Variants in RBFOX3 observed in about 807,000 individuals in gnomAD.
The protein encoded by RBFOX3 is RNA binding fox-1 homolog 3.
RBFOX3 carries 17 observed loss-of-function variants against 48.7 expected under a neutral mutation model. The ratio of observed to expected loss-of-function variants is 0.35; its 90% CI spans 0.24 to 0.52. The LOEUF (loss-of-function observed/expected upper bound fraction) is 0.52, where lower values mean the gene tolerates loss of function less well. RBFOX3 is among the 20% of genes least tolerant of loss of function. RBFOX3 has a pLI of 0.94. For synonymous variants in RBFOX3, 212 were observed against 209.5 expected (o/e 1.01, Z -0.10); for missense variants, 382 against 497.5 (o/e 0.77, Z 2.21).
chr17:79,359,194 G>A (rs957412028), intron 2 of RBFOX3, among the ~76,000 whole-genome samples: 12 of 152,248 alleles, frequency 7.9e-5, no homozygotes, highest in African/African-American at 1.2e-4. Context: ...ACAGGCTCAG[G>A]GCAAGAGCTG....
chr17:79,385,214 A>C (rs1162209874), intron 2 of RBFOX3, among the ~76,000 whole-genome samples: 1 of 152,132 alleles, frequency 6.6e-6, no homozygotes, highest in African/African-American at 2.4e-5. Context: ...CTGGGAAGAG[A>C]GCTCTCCAGG....
chr17:79,256,105 C>G (rs1475196181), intron 3 of RBFOX3, among the ~76,000 whole-genome samples: 1 of 151,786 alleles, frequency 6.6e-6, no homozygotes, highest in Non-Finnish European at 1.5e-5. Flanking sequence ...GGTAGGGAAG[C>G]CCCAGCCCAT....
rs188821512 is a variant in RBFOX3 at position 79,419,614 on chromosome 17, A to G, written c.-175+62840T>C. Among the ~76,000 whole-genome samples, 237 of 152,178 alleles carry G rather than the reference A, an allele frequency of 1.6e-3. 1 individual carries two copies. The highest frequency in any genetic ancestry group is 0.01 in the Middle Eastern group (3 of 294). ...CTTGGAGAAGCCCCTTCATCTCCAGACCTCAGCACGTTCACCTCTAAACGG... is the reference window on the plus strand; with the variant it reads ...CTTGGAGAAGCCCCTTCATCTCCAGGCCTCAGCACGTTCACCTCTAAACGG... On this transcript the variant is annotated intron_variant, in intron 2 of 14. Transcript: ENST00000693108.
Position 79,115,689 on chromosome 17 carries a change from CT to C in RBFOX3, c.26del (p.Gln9ArgfsTer37). 1 of 189,330 alleles carries C rather than the reference CT, an allele frequency of 5.3e-6. No individual in the cohort carries two copies. The highest frequency in any genetic ancestry group is 8.9e-6 in the Non-Finnish European group (1 of 111,864). 11.7% of individuals were successfully genotyped at this position (189,330 alleles called of 1,614,324 possible). The part of the protein sequence containing the change: MAQPYPPA[Q>X]YPPPPQNGIP... ...TGCCGTTCTGTGGCGGAGGGGGGTA[CT>C]GGGCGGGGGGGTAGGGCTGGGCCAT... is the stretch of plus-strand genomic sequence containing the variant. On this transcript the variant is annotated frameshift_variant, in exon 5 of 15. Coordinates refer to ENST00000693108, the MANE Select transcript of RBFOX3 (RefSeq NM_001350451.2). LOFTEE classifies it high-confidence loss of function.
At chr17:79,583,275 G>A (rs1001833268) in intron 1 of RBFOX3, among the ~76,000 whole-genome samples, 2 of 152,214 alleles carry the variant, frequency 1.3e-5, no homozygotes, top group Admixed American at 1.3e-4. Context: ...GTAAGCTGAT[G>A]TGTGTGAAAG....
chr17:79,362,883 G>A lies in RBFOX3; in HGVS notation c.-174-55059C>T, dbSNP rs776092201. On this transcript the variant is annotated intron_variant, in intron 2 of 14. Coordinates refer to ENST00000693108, the MANE Select transcript of RBFOX3 (RefSeq NM_001350451.2). The surrounding 1 kb of genome is among the most constrained non-coding windows in gnomAD (Gnocchi z 4.2). ...TGCAGACCTCATTCTCGGACACTTC[G>A]AGGCCACACAGGTGTGAGAGGTCCC... is the stretch of plus-strand genomic sequence containing the variant. Among the ~76,000 whole-genome samples the A allele has an allele frequency of 1.3e-4, 20 of 152,138 alleles. No homozygotes were observed. The highest frequency in any genetic ancestry group is 9.7e-5 in the African/African-American group (4 of 41,422).
intron 3 of RBFOX3, among the ~76,000 whole-genome samples, chr17:79,266,715 G>A (rs1159926879): frequency 1.3e-5 from 2 of 152,116 alleles, no homozygotes; most frequent in Non-Finnish European, 2.9e-5. Flanking sequence ...GGAGAGGGGA[G>A]GGGGCTGGAG....
At position 79,130,167 on chromosome 17, in the gene RBFOX3, CGCCCCGCCACACT is replaced by C. The variant is rs1568187440; in HGVS notation, c.-33-14432_-33-14420del. On this transcript the variant is annotated intron_variant, in intron 4 of 14. Coordinates refer to ENST00000693108, the MANE Select transcript of RBFOX3 (RefSeq NM_001350451.2). ...TCTTTTATTAATTAGGGCTGTCGGACGCCCCGCCACACTGCATATTACTTCATTCAGGGACCAT... is the reference window on the plus strand; with the variant it reads ...TCTTTTATTAATTAGGGCTGTCGGACGCATATTACTTCATTCAGGGACCAT... Among the ~76,000 whole-genome samples, 10 of 152,126 alleles carry C rather than the reference CGCCCCGCCACACT, an allele frequency of 6.6e-5. No individual in the cohort carries two copies. The South Asian group carries it at 2.1e-3, about 32-fold the overall frequency.
At chr17:79,425,020 C>T (rs185735812) in intron 2 of RBFOX3, among the ~76,000 whole-genome samples, 18 of 152,258 alleles carry the variant, frequency 1.2e-4, no homozygotes, top group South Asian at 1.0e-3. Flanking sequence ...GTGACACTCA[C>T]GCCCTGCTAA....
intron 1 of RBFOX3, among the ~76,000 whole-genome samples, chr17:79,541,121 C>T (rs1348448973): frequency 6.6e-6 from 1 of 151,150 alleles, no homozygotes; most frequent in Non-Finnish European, 1.5e-5. Flanking sequence ...TGAATCAGGA[C>T]AAAATCATCA....
At chr17:79,466,173 T>C (rs552660230) in intron 2 of RBFOX3, among the ~76,000 whole-genome samples, 6 of 152,308 alleles carry the variant, frequency 3.9e-5, no homozygotes, top group African/African-American at 1.4e-4. Flanking sequence ...CTCTCCAGCA[T>C]GTCAGGTGGG....
intron 2 of RBFOX3, among the ~76,000 whole-genome samples, chr17:79,444,849 C>T (rs907914): frequency 0.78 from 119,060 of 151,932 alleles, 47,049 homozygotes; most frequent in Non-Finnish European, 0.84. Flanking sequence ...TATATTCTTC[C>T]AGAATATATA....
At chr17:79,649,560 G>A in the RBFOX3 span, among the ~76,000 whole-genome samples, 1 of 152,156 alleles carries the variant, frequency 6.6e-6, no homozygotes, top group Non-Finnish European at 1.5e-5. Flanking sequence ...ACAAAAACTA[G>A]CCAGGCATGA....
chr17:79,194,418 C>T (rs1205583669), intron 4 of RBFOX3, among the ~76,000 whole-genome samples: 4 of 151,872 alleles, frequency 2.6e-5, no homozygotes, highest in Non-Finnish European at 4.4e-5. Flanking sequence ...ACCAGCCTGG[C>T]CAACATGGTG....
chr17:79,304,784 C>G (rs995681763), intron 3 of RBFOX3, among the ~76,000 whole-genome samples: 7 of 152,156 alleles, frequency 4.6e-5, no homozygotes, highest in Non-Finnish European at 8.8e-5. Context: ...GGCCTCTGTT[C>G]TTGGTTCCAA....
chr17:79,103,041 C>G lies in RBFOX3; in HGVS notation c.507+121G>C. ...CTTAGTGCGACCCTTCCTCCCACCC[C>G]AGGGAACCCTGGCCAGGCTCTCTGA... On this transcript the variant is annotated intron_variant, in intron 8 of 14. Transcript: ENST00000693108. This position sits in a 1 kb window ranked among gnomAD's most constrained non-coding sequence, Gnocchi z 6.1. The G allele has an allele frequency of 2.7e-6, 2 of 748,622 alleles. No individual in the cohort carries two copies. Among genetic ancestry groups the G allele is most frequent in the Non-Finnish European group, 2.3e-6 (1 of 443,490 alleles). The allele number at this position is 748,622 out of a possible 1,614,324, so 46.4% of individuals were successfully genotyped here. A position where few individuals can be genotyped will look rare whatever the true frequency, so the allele number is the denominator to read the frequency against.
intron 2 of RBFOX3, among the ~76,000 whole-genome samples, chr17:79,415,610 CG>C (rs1568210397): frequency 6.6e-6 from 1 of 152,186 alleles, no homozygotes; most frequent in Non-Finnish European, 1.5e-5. Context: ...GCCACCAGGG[CG>C]GGCAGCTAGA....
intron 6 of RBFOX3, 67 bp downstream of exon 6, chr17:79,106,584 C>A (rs1417560472): frequency 7.2e-7 from 1 of 1,393,342 alleles, no homozygotes; most frequent in South Asian, 1.7e-5. Context: ...AAGGCAGGGC[C>A]TGTGGGCGCC....
At chr17:79,621,224 C>G in the RBFOX3 span, among the ~76,000 whole-genome samples, 3 of 152,146 alleles carry the variant, frequency 2.0e-5, no homozygotes, top group African/African-American at 7.2e-5. Context: ...GTCTCGAACT[C>G]CTGACCTCAG....
Sources: gnomAD v4.1 joint callset for allele counts (sites outside exome capture counted in the v4.1 genomes callset) on GRCh38, gnomAD v4.1.1 for gene constraint, Gnocchi (gnomAD v3.1) non-coding constraint, MANE v1.5 for transcripts, NCBI Gene and HGNC (gene_info 2026-07-23, HGNC 2026-07-21) for gene names.